The following CENPI variants were observed in gnomAD, a reference collection of about 807,000 sequenced individuals.
CENPI encodes the protein FSH primary response 1.
Under a neutral mutation model 60.4 loss-of-function variants are expected in CENPI, and 4 were observed. The ratio of observed to expected loss-of-function variants is 0.07; its 90% CI spans 0.03 to 0.15. The LOEUF (loss-of-function observed/expected upper bound fraction) is 0.15, where lower values mean the gene tolerates loss of function less well. Among genes scored for constraint, CENPI ranks in the 10% least tolerant of loss-of-function variants. The pLI, the probability that CENPI is intolerant of heterozygous loss-of-function variation, is 1.00. For missense variants in CENPI, 444 were observed against 534.5 expected, an observed-to-expected ratio of 0.83 and a Z score of 1.67; for synonymous variants, 157 against 189.4, an observed-to-expected ratio of 0.83 and a Z score of 1.40.
At chrX:101,118,065 T>A (rs1037936986) in intron 6 of CENPI, among the ~76,000 whole-genome samples, 1 of 111,783 alleles carries the variant, frequency 8.9e-6, no homozygotes, top group Non-Finnish European at 1.9e-5. Context: ...GATATGGACA[T>A]TAAAGTCATC....
At chrX:101,132,531 A>T (rs2089805409) in intron 15 of CENPI, 75 bp downstream of exon 15, 4 of 852,767 alleles carry the variant, frequency 4.7e-6, no homozygotes, top group Non-Finnish European at 5.1e-6. Flanking sequence ...TTCCAAACTG[A>T]TATTACAGCA....
Position 101,127,161 on chromosome X carries a change from T to C in CENPI, c.801T>C (p.Asn267=). 1 of 1,186,381 alleles carries C rather than the reference T, an allele frequency of 8.4e-7. No homozygotes were observed. The highest frequency in any genetic ancestry group is 1.1e-6 in the Non-Finnish European group (1 of 883,232). ...AGATATATTTTAAGAATTCAGAGAATCTATGGAAGACGGCTCTGCTTGCCG... is the reference window on the plus strand; with the variant it reads ...AGATATATTTTAAGAATTCAGAGAACCTATGGAAGACGGCTCTGCTTGCCG... The part of the protein sequence containing the change: ...RKKIYFKNSE[N]LWKTALLAVK... The change falls in exon 10 of 22, where the codon AAT becomes AAC. Residue 267 remains asparagine (N), a synonymous_variant. Transcript: ENST00000682095.
chrX:101,162,471 A>T (rs55755533), intron 21 of CENPI, among the ~76,000 whole-genome samples: 21,401 of 73,857 alleles, frequency 0.29, 3,461 homozygotes, highest in Non-Finnish European at 0.35. Context: ...AAAAAAAAAA[A>T]AAATATATAT....
intron 20 of CENPI, among the ~76,000 whole-genome samples, chrX:101,151,741 T>C (rs928707013): frequency 9.5e-6 from 1 of 104,721 alleles, no homozygotes; most frequent in Non-Finnish European, 1.9e-5. Flanking sequence ...GGCTGAGGCA[T>C]GAGAATCGCT....
At chrX:101,137,257 C>T (rs2089857159) in intron 15 of CENPI, among the ~76,000 whole-genome samples, 1 of 112,209 alleles carries the variant, frequency 8.9e-6, no homozygotes, top group Non-Finnish European at 1.9e-5. Context: ...GAATAGATAA[C>T]AGTCTCGAGC....
downstream of CENPI, among the ~76,000 whole-genome samples, chrX:101,169,401 A>G (rs753085013): frequency 5.3e-5 from 6 of 112,273 alleles, no homozygotes; most frequent in Admixed American, 9.5e-5. Context: ...TGGTAGTCCC[A>G]TAAGATTATA....
downstream of CENPI, among the ~76,000 whole-genome samples, chrX:101,167,694 A>T (rs2090147815): frequency 8.9e-6 from 1 of 112,132 alleles, no homozygotes; most frequent in African/African-American, 3.2e-5. Flanking sequence ...AATCATTCAA[A>T]GTCTCTGGAG....
chrX:101,112,030 C>CA (rs949206014), intron 6 of CENPI, among the ~76,000 whole-genome samples: 5 of 107,547 alleles, frequency 4.6e-5, no homozygotes, highest in South Asian at 8.0e-4. Flanking sequence ...GACTCTGTCT[C>CA]AAAAAAAAAG....
intron 4 of CENPI, among the ~76,000 whole-genome samples, chrX:101,103,855 A>G (rs935992455): frequency 1.8e-5 from 2 of 112,673 alleles, no homozygotes; most frequent in East Asian, 5.5e-4. Flanking sequence ...GTCACCAAAT[A>G]CATGAGAACC....
At position 101,161,544 on chromosome X, in the gene CENPI, G is replaced by C; in HGVS notation, c.2111G>C (p.Arg704Thr). The change falls in exon 21 of 22, where the codon AGG (arginine) becomes ACG (threonine). Residue 704 changes from arginine (R) to threonine (T), a missense_variant. Transcript: ENST00000682095. ...GTTTTTAAGGAAAGCCCAGAAGAAA[G>C]GACAGTAAATGTGAGCTCTATTCGG... ...SFLLQESPEE[R>T]TVNVSSIRGK... is the part of the protein sequence containing the mutation. The C allele has an allele frequency of 8.3e-7, 1 of 1,209,278 alleles. No homozygotes were observed. Among genetic ancestry groups the C allele is most frequent in the Non-Finnish European group, 1.1e-6 (1 of 893,492 alleles).
intron 18 of CENPI, 34 bp from the exon 19 acceptor site, chrX:101,147,729 T>G: frequency 9.0e-7 from 1 of 1,107,441 alleles, no homozygotes; most frequent in Non-Finnish European, 1.2e-6. Context: ...CAAAGGCATG[T>G]TAAATGTTTC....
chrX:101,175,485 G>A, the CENPI span, among the ~76,000 whole-genome samples: 1 of 112,082 alleles, frequency 8.9e-6, no homozygotes, highest in Non-Finnish European at 1.9e-5. Context: ...TGAGCATGTT[G>A]TGCTGAATGG....
chrX:101,108,899 G>A (rs948332327), intron 4 of CENPI, among the ~76,000 whole-genome samples: 9 of 109,908 alleles, frequency 8.2e-5, no homozygotes, highest in Admixed American at 3.9e-4. Flanking sequence ...CGCTTGCCTC[G>A]GCCTCCCAAA....
chrX:101,147,807 A>G lies in CENPI; in HGVS notation c.1871A>G (p.Gln624Arg). 1 of 1,205,233 alleles carries G rather than the reference A, an allele frequency of 8.3e-7. No individual in the cohort carries two copies. Among genetic ancestry groups the G allele is most frequent in the Non-Finnish European group, 1.1e-6 (1 of 890,877 alleles). The change falls in exon 19 of 22, where the codon CAA (glutamine) becomes CGA (arginine). Residue 624 changes from glutamine to arginine, a missense_variant. Transcript: ENST00000682095. ...GCCGCAAAGAAAAATGAGTTGGTAC[A>G]AAAGGTATGAATGAGAAAGCTCTGT... ...LTAAKKNELV[Q>R]KTKSEFNFSS...
chrX:101,121,041 A>G (rs1279163723), intron 8 of CENPI, among the ~76,000 whole-genome samples: 1 of 109,560 alleles, frequency 9.1e-6, no homozygotes, highest in Non-Finnish European at 1.9e-5. Flanking sequence ...ACACCCGGCT[A>G]ACTTTTGTGT....
At position 101,165,697 on chromosome X, in the gene CENPI, A is replaced by T. The variant is rs1046466002; in HGVS notation, c.*2730A>T. ...GACCTAAGGTATGCCAGCATTGAGA[A>T]GTAGAGGAGAAGAGGAACCAGCAAA... On this transcript the variant is annotated 3_prime_UTR_variant, in exon 22 of 22. Transcript: ENST00000682095. Among the ~76,000 whole-genome samples, 1 of 111,394 alleles carries T rather than the reference A, an allele frequency of 9.0e-6. No individual in the cohort carries two copies. The highest frequency in any genetic ancestry group is 1.9e-5 in the Non-Finnish European group (1 of 53,114).
chrX:101,162,470 AAAAAT>A (rs1295672143), intron 21 of CENPI, among the ~76,000 whole-genome samples: 1 of 87,810 alleles, frequency 1.1e-5, no homozygotes, highest in Admixed American at 1.2e-4. Flanking sequence ...AAAAAAAAAA[AAAAAT>A]ATATATATAT....
At chrX:101,167,505 T>C (rs2148275779), downstream of CENPI, among the ~76,000 whole-genome samples, 1 of 111,874 alleles carries the variant, frequency 8.9e-6, no homozygotes, top group Admixed American at 9.6e-5. Context: ...TAGAAATGAA[T>C]CATTTTTGCA....
chrX:101,162,102 G>A (rs989457062), intron 21 of CENPI, among the ~76,000 whole-genome samples: 8 of 109,601 alleles, frequency 7.3e-5, no homozygotes, highest in Non-Finnish European at 1.3e-4. Flanking sequence ...CACCACGCCT[G>A]GCTAATTTTT....
Sources: allele counts gnomAD v4.1 joint callset (sites outside exome capture counted in the v4.1 genomes callset), GRCh38; gene constraint gnomAD v4.1.1; transcripts MANE v1.5; gene names NCBI Gene and HGNC (gene_info 2026-07-23, HGNC 2026-07-21).